SDK2: variants seen among roughly 807,000 people sequenced by gnomAD.
SDK2 encodes protein sidekick-2.
A neutral mutation model predicts 253.9 loss-of-function variants in SDK2; 105 were observed. The observed-to-expected ratio is 0.41, with a 90% confidence interval of 0.35 to 0.49. The LOEUF (loss-of-function observed/expected upper bound fraction) is 0.49. Among genes scored for constraint, SDK2 ranks in the 20% least tolerant of loss-of-function variants. The pLI is 0.06. For synonymous variants in SDK2, 1,249 were observed against 1,234.9 expected (o/e 1.01, Z -0.24); for missense variants, 2,608 against 3,003.0 (o/e 0.87, Z 3.07).
rs984043997 is a variant in SDK2, at chr17:73,511,764, C to T, written c.65-4167G>A. On this transcript the variant is annotated intron_variant, in intron 1 of 44. Coordinates refer to ENST00000392650, the MANE Select transcript of SDK2 (RefSeq NM_001144952.2). This position sits in a 1 kb window ranked among gnomAD's most constrained non-coding sequence, Gnocchi z 4.9. ...CTGAGCAGTGACAGCTGATTTTCCT[C>T]CAGGACCTGCCTCGTCTGAAAGCAA... 2.0e-5 allele frequency among the ~76,000 whole-genome samples: 3 copies of T among 152,168 alleles called. No individual in the cohort carries two copies. Among genetic ancestry groups the T allele is most frequent in the Non-Finnish European group, 2.9e-5 (2 of 68,016 alleles).
rs1170700789 is a variant in SDK2 at position 73,541,422 on chromosome 17, T to C, written c.65-33825A>G. On this transcript the variant is annotated intron_variant, in intron 1 of 44. Transcript: ENST00000392650. The surrounding 1 kb of genome is among the most constrained non-coding windows in gnomAD (Gnocchi z 4.3). ...TAGCTCGGGCAGCACACTTAGCACA[T>C]GGGCGCCTTGCTGGGTGCTCCATCC... Among the ~76,000 whole-genome samples, 1 of 152,114 alleles carries C rather than the reference T, an allele frequency of 6.6e-6. No individual in the cohort carries two copies. Among genetic ancestry groups the C allele is most frequent in the African/African-American group, 2.4e-5 (1 of 41,436 alleles).
intron 1 of SDK2, among the ~76,000 whole-genome samples, chr17:73,589,087 G>C (rs16977685): frequency 0.015 from 2,293 of 152,360 alleles, 68 homozygotes; most frequent in African/African-American, 0.052. Context: ...TGATCTGTTC[G>C]AGCAAGAAAG....
intron 1 of SDK2, among the ~76,000 whole-genome samples, chr17:73,638,671 G>A (rs2046361512): frequency 6.6e-6 from 1 of 151,974 alleles, no homozygotes; most frequent in South Asian, 2.1e-4. Flanking sequence ...GGGAGTAGAG[G>A]GGCAGTGATC....
At chr17:73,351,327 C>A (rs2062536600) in intron 41 of SDK2, among the ~76,000 whole-genome samples, 1 of 152,164 alleles carries the variant, frequency 6.6e-6, no homozygotes, top group Non-Finnish European at 1.5e-5. Context: ...CCAGGCTGGT[C>A]TCTAACTCCT....
chr17:73,584,770 C>T (rs913293818), intron 1 of SDK2, among the ~76,000 whole-genome samples: 1 of 152,254 alleles, frequency 6.6e-6, no homozygotes, highest in African/African-American at 2.4e-5. Flanking sequence ...TGGGGTCTCC[C>T]AGCTGTGCTT....
At chr17:73,413,421 G>A (rs577681025) in intron 18 of SDK2, among the ~76,000 whole-genome samples, 3 of 152,094 alleles carry the variant, frequency 2.0e-5, no homozygotes, top group African/African-American at 4.8e-5. Flanking sequence ...GAAATAAAGT[G>A]CACAATAATG....
rs751184968 is a variant in SDK2 at position 73,401,679 on chromosome 17, C to A, written c.2754G>T (p.Pro918=). The part of the protein sequence containing the change: ...DTSLKVSWQE[P]GEKNGILTGY... Reference sequence around the variant, plus strand: ...CTGTGAGGATGCCATTTTTCTCTCCCGGCTCTTGCCAGCTGACCTTCAGCG... The same window carrying A: ...CTGTGAGGATGCCATTTTTCTCTCCAGGCTCTTGCCAGCTGACCTTCAGCG... Residue 918 remains proline, a synonymous_variant, in exon 20 of 45, where the codon CCG becomes CCT. Coordinates refer to ENST00000392650, the MANE Select transcript of SDK2 (RefSeq NM_001144952.2). 1.9e-6 allele frequency: 3 copies of A among 1,593,982 alleles called. No individual in the cohort carries two copies. Among genetic ancestry groups the A allele is most frequent in the Middle Eastern group, 1.7e-4 (1 of 6,026 alleles).
In SDK2 at chr17:73,379,229, G is replaced by T; in HGVS notation, c.4928C>A (p.Thr1643Asn). The T allele has an allele frequency of 6.4e-7, 1 of 1,559,232 alleles. No individual in the cohort carries two copies. The highest frequency in any genetic ancestry group is 8.7e-7 in the Non-Finnish European group (1 of 1,151,156). The stretch of plus-strand genomic sequence containing the variant: ...GCTGTCCAGCGGAGGTGGCTCCCAA[G>T]TCACGTCCAGCTGTGTGGCCGTGGC... Reference protein sequence around the residue: ...HGATATQLDVTWEPPPLDSQN... With the variant: ...HGATATQLDVNWEPPPLDSQN... The change falls in exon 36 of 45, where the codon ACT becomes AAT. Residue 1643 changes from threonine to asparagine, a missense_variant. Transcript: ENST00000392650. This position sits in a 1 kb window ranked among gnomAD's most constrained non-coding sequence, Gnocchi z 4.5.
intron 18 of SDK2, 25 bp from the exon 19 acceptor site, chr17:73,402,166 C>A: frequency 6.2e-7 from 1 of 1,603,492 alleles, no homozygotes; most frequent in Non-Finnish European, 8.5e-7. Flanking sequence ...GCAAGTCACA[C>A]AGGGCAGCAG....
chr17:73,640,443 G>T (rs4789236), intron 1 of SDK2, among the ~76,000 whole-genome samples: 54,775 of 151,742 alleles, frequency 0.36, 10,239 homozygotes, highest in African/African-American at 0.45. Flanking sequence ...ACTCCCCCGC[G>T]GAAGCCAAGG....
At chr17:73,596,256 T>C (rs2045757040) in intron 1 of SDK2, among the ~76,000 whole-genome samples, 1 of 151,892 alleles carries the variant, frequency 6.6e-6, no homozygotes, top group African/African-American at 2.4e-5. Flanking sequence ...GCGACCTCTA[T>C]GAGAGAAGGC....
chr17:73,458,265 AT>A (rs1313194308), intron 3 of SDK2, among the ~76,000 whole-genome samples: 1 of 152,198 alleles, frequency 6.6e-6, no homozygotes, highest in Non-Finnish European at 1.5e-5. Flanking sequence ...ATTTCTAAAG[AT>A]GTTCAGGTAG....
intron 16 of SDK2, among the ~76,000 whole-genome samples, chr17:73,417,801 G>C (rs1331144445): frequency 6.6e-6 from 1 of 152,070 alleles, no homozygotes; most frequent in Admixed American, 6.6e-5. Context: ...CTGGCAAAAA[G>C]AACTCACAGC....
At chr17:73,596,522 TCTCTGGC>T (rs1369884757) in intron 1 of SDK2, among the ~76,000 whole-genome samples, 1 of 152,194 alleles carries the variant, frequency 6.6e-6, no homozygotes, top group East Asian at 1.9e-4. Flanking sequence ...TTCTGCATTC[TCTCTGGC>T]CTCCCTGTCC....
intron 2 of SDK2, among the ~76,000 whole-genome samples, chr17:73,494,094 C>A (rs1465810591): frequency 1.3e-5 from 2 of 152,216 alleles, no homozygotes; most frequent in Non-Finnish European, 2.9e-5. Flanking sequence ...AGGGGCCCAG[C>A]CTGACCAGGG....
intron 1 of SDK2, among the ~76,000 whole-genome samples, chr17:73,621,254 G>C (rs980716620): frequency 2.6e-5 from 4 of 152,190 alleles, no homozygotes; most frequent in African/African-American, 9.7e-5. Flanking sequence ...TGAGATTTGA[G>C]CTACTGCCCC....
At chr17:73,438,631 A>AAGACAGACAGAC (rs34644814) in intron 6 of SDK2, among the ~76,000 whole-genome samples, 75 of 146,652 alleles carry the variant, frequency 5.1e-4, no homozygotes, top group African/African-American at 1.8e-3. Context: ...AAGGGCAGAC[A>AAGACAGACAGAC]AGACAGACAG....
In SDK2 at chr17:73,349,689, T is replaced by C. The variant is rs368570318; in HGVS notation, c.6038+548A>G. Among the ~76,000 whole-genome samples, 177 of 152,308 alleles carry C rather than the reference T, an allele frequency of 1.2e-3. 4 individuals carry two copies. In the South Asian group the frequency reaches 0.035, roughly 31 times the overall value. On this transcript the variant is annotated intron_variant, in intron 43 of 44. Transcript: ENST00000392650. ...GCTTTCAGATGCTGCCCTTTGAGGCTGATGGGGATAGGAGGTTGTCCTTTA... is the reference window on the plus strand; with the variant it reads ...GCTTTCAGATGCTGCCCTTTGAGGCCGATGGGGATAGGAGGTTGTCCTTTA...
intron 36 of SDK2, among the ~76,000 whole-genome samples, chr17:73,373,515 C>T (rs74885657): frequency 1.3e-5 from 2 of 152,188 alleles, no homozygotes; most frequent in Non-Finnish European, 2.9e-5. Flanking sequence ...CATACGCTTA[C>T]CACCACTTAT....
Sources: allele counts gnomAD v4.1 joint callset (sites outside exome capture counted in the v4.1 genomes callset), GRCh38; gene constraint gnomAD v4.1.1; non-coding constraint Gnocchi (gnomAD v3.1); transcripts MANE v1.5; gene names NCBI Gene and HGNC (gene_info 2026-07-23, HGNC 2026-07-21).